PCDH11X: variants seen among roughly 807,000 people sequenced by gnomAD.
PCDH11X encodes the protein protocadherin 11 X-linked.
A neutral mutation model predicts 53.3 loss-of-function variants in PCDH11X; 18 were observed. The observed-to-expected ratio is 0.34, with a 90% CI of 0.23 to 0.50. The LOEUF is 0.50. PCDH11X is among the 20% of genes least tolerant of loss of function. The pLI, the probability that PCDH11X is intolerant of heterozygous loss-of-function variation, is 0.98. For synonymous variants in PCDH11X, 279 were observed against 393.3 expected (o/e 0.71, Z 3.44); for missense variants, 570 against 1,032.4 (o/e 0.55, Z 6.14).
At chrX:92,206,482 T>G (rs2148329596) in intron 7 of PCDH11X, among the ~76,000 whole-genome samples, 1 of 111,606 alleles carries the variant, frequency 9.0e-6, no homozygotes, top group African/African-American at 3.3e-5. Context: ...GCCAATTAAT[T>G]AACATTCATG....
At chrX:92,346,099 G>A (rs1403859730) in intron 8 of PCDH11X, among the ~76,000 whole-genome samples, 2 of 110,501 alleles carry the variant, frequency 1.8e-5, no homozygotes, top group Non-Finnish European at 3.8e-5. Context: ...ACGCTTGCAT[G>A]TACATTAACG....
At chrX:92,243,734 T>C (rs2067302255) in intron 7 of PCDH11X, among the ~76,000 whole-genome samples, 1 of 111,582 alleles carries the variant, frequency 9.0e-6, no homozygotes, top group African/African-American at 3.2e-5. Flanking sequence ...ACAGCATTTT[T>C]AATGGTATAC....
intron 6 of PCDH11X, among the ~76,000 whole-genome samples, chrX:92,088,637 A>C (rs1211851667): frequency 2.7e-5 from 3 of 112,020 alleles, no homozygotes; most frequent in Non-Finnish European, 3.8e-5. Flanking sequence ...TGGGAAATAC[A>C]GATTCAAATA....
intron 5 of PCDH11X, among the ~76,000 whole-genome samples, chrX:91,838,539 A>G (rs1937386465): frequency 9.0e-6 from 1 of 111,391 alleles, no homozygotes; most frequent in South Asian, 3.8e-4. Context: ...TGACTCGCAA[A>G]AAGGCCCTGT....
At chrX:92,216,197 T>C (rs755937898) in intron 7 of PCDH11X, among the ~76,000 whole-genome samples, 2 of 110,790 alleles carry the variant, frequency 1.8e-5, no homozygotes, top group Non-Finnish European at 3.8e-5. Context: ...GGAACAAAGC[T>C]GGACAGAGAA....
intron 10 of PCDH11X, among the ~76,000 whole-genome samples, chrX:92,487,395 T>C (rs1468365780): frequency 9.0e-6 from 1 of 111,468 alleles, no homozygotes; most frequent in Non-Finnish European, 1.9e-5. Context: ...AGAGAGATAG[T>C]ACTTAATGTT....
intron 8 of PCDH11X, among the ~76,000 whole-genome samples, chrX:92,360,895 T>C (rs1464170394): frequency 9.2e-6 from 1 of 108,925 alleles, no homozygotes; most frequent in African/African-American, 3.3e-5. Flanking sequence ...ATGGCCTGTG[T>C]TGGGCCACTA....
At chrX:92,032,547 T>C (rs2063067811) in intron 6 of PCDH11X, among the ~76,000 whole-genome samples, 1 of 111,260 alleles carries the variant, frequency 9.0e-6, no homozygotes, top group African/African-American at 3.3e-5. Flanking sequence ...GTGGGTATCC[T>C]TGTCGTGTTC....
At chrX:91,846,132 C>G (rs1026783927) in intron 5 of PCDH11X, among the ~76,000 whole-genome samples, 74 of 111,319 alleles carry the variant, frequency 6.6e-4, no homozygotes, top group Non-Finnish European at 1.3e-3. Flanking sequence ...AAAATAGTGA[C>G]TGGCCTTATT....
intron 7 of PCDH11X, among the ~76,000 whole-genome samples, chrX:92,250,244 A>T (rs1255840271): frequency 9.0e-6 from 1 of 111,227 alleles, no homozygotes; most frequent in Non-Finnish European, 1.9e-5. Context: ...AAATATTTGG[A>T]TAGGAATAGT....
At chrX:91,822,542 C>T (rs1277048895) in intron 4 of PCDH11X, among the ~76,000 whole-genome samples, 5 of 108,722 alleles carry the variant, frequency 4.6e-5, no homozygotes, top group African/African-American at 1.0e-4. Context: ...TTTTTTATTG[C>T]GTCTATTTGA....
intron 9 of PCDH11X, among the ~76,000 whole-genome samples, chrX:92,400,392 C>G (rs1473073739): frequency 1.8e-5 from 2 of 109,911 alleles, no homozygotes; most frequent in Non-Finnish European, 3.8e-5. Flanking sequence ...ACAAAGGAAG[C>G]CAAGAAAGTC....
chrX:91,984,701 T>C (rs766152736), intron 6 of PCDH11X, among the ~76,000 whole-genome samples: 6 of 111,487 alleles, frequency 5.4e-5, no homozygotes, highest in African/African-American at 1.6e-4. Context: ...CCTGTTAAAA[T>C]GAAAATCTGC....
In PCDH11X at chrX:91,878,414, C is replaced by T. The variant is rs944350154; in HGVS notation, c.2174C>T (p.Ala725Val). 8.3e-7 allele frequency: 1 copy of T among 1,199,932 alleles called. No individual in the cohort carries two copies. The highest frequency in any genetic ancestry group is 1.8e-5 in the African/African-American group (1 of 54,966). ...IVGGNTRDLF[A>V]IDQETGNITL... ...GGAGGAAACACAAGAGATCTGTTTGCAATCGACCAAGAAACAGGCAACATA... is the reference window on the plus strand; with the variant it reads ...GGAGGAAACACAAGAGATCTGTTTGTAATCGACCAAGAAACAGGCAACATA... The change falls in exon 6 of 11, where the codon GCA (alanine) becomes GTA (valine). Residue 725 changes from alanine to valine, a missense_variant. Around this residue, in one of 6 missense-constraint regions of PCDH11X, gnomAD observed 226 missense variants for 457.5 expected, o/e 0.49. Transcript: ENST00000682573.
intron 6 of PCDH11X, among the ~76,000 whole-genome samples, chrX:92,142,162 T>TA (rs2065190641): frequency 3.8e-5 from 4 of 106,465 alleles, no homozygotes; most frequent in African/African-American, 1.4e-4. Context: ...ATTATTATTT[T>TA]TTTTTTTTTT....
chrX:92,108,340 T>C (rs1156879062), intron 6 of PCDH11X, among the ~76,000 whole-genome samples: 2 of 112,211 alleles, frequency 1.8e-5, no homozygotes, highest in Non-Finnish European at 3.8e-5. Context: ...TTAGTATTTC[T>C]AAGGCTGACT....
intron 6 of PCDH11X, among the ~76,000 whole-genome samples, chrX:91,963,829 CGAACATGTCCTTCTTCA>C (rs1175634524): frequency 9.1e-6 from 1 of 110,348 alleles, no homozygotes; most frequent in Non-Finnish European, 1.9e-5. Context: ...GAAGTAGAAG[CGAACATGTCCTTCTTCA>C]CATGGTAACA....
At chrX:92,321,196 T>G (rs1229043053) in intron 8 of PCDH11X, among the ~76,000 whole-genome samples, 2 of 91,864 alleles carry the variant, frequency 2.2e-5, no homozygotes, top group East Asian at 3.6e-4. Flanking sequence ...TTTTTTTTGT[T>G]TTTTTTTTTT....
At position 92,622,271 on chromosome X, in the gene PCDH11X, AAAAT is replaced by A. The variant is rs1928566999; in HGVS notation, c.*3333_*3336del. On this transcript the variant is annotated 3_prime_UTR_variant, in exon 11 of 11. Transcript: ENST00000682573. ...TCACACATGGTCATTAAATGGGAAA[AAAAT>A]AGACTAAACAAATCACAAATTGTTC... The A allele has an allele frequency of 9.4e-6, 1 of 106,895 alleles. No homozygotes were observed. Among genetic ancestry groups the A allele is most frequent in the Non-Finnish European group, 1.9e-5 (1 of 51,658 alleles). 8.8% of individuals were successfully genotyped at this position (106,895 alleles called of 1,213,427 possible).
Sources: allele counts gnomAD v4.1 joint callset (sites outside exome capture counted in the v4.1 genomes callset), GRCh38; gene constraint gnomAD v4.1.1; regional missense constraint gnomAD v4.1.1; transcripts MANE v1.5; gene names NCBI Gene and HGNC (gene_info 2026-07-23, HGNC 2026-07-21).